The following PUM2 variants were observed in gnomAD, a reference collection of about 807,000 sequenced individuals.
PUM2 encodes the protein pumilio RNA binding family member 2, also known as pumilio homolog 2.
Under a neutral mutation model 124.5 loss-of-function variants are expected in PUM2, and 57 were observed. That is an observed-to-expected ratio of 0.46 (90% CI 0.37 to 0.57). PUM2 has a LOEUF of 0.57. PUM2 is among the 20% of genes least tolerant of loss of function. The pLI, the probability that PUM2 is intolerant of heterozygous loss-of-function variation, is 0.00. For missense variants in PUM2, 1,065 were observed against 1,290.6 expected, an observed-to-expected ratio of 0.83 and a Z score of 2.68; for synonymous variants, 460 against 446.1, an observed-to-expected ratio of 1.03 and a Z score of -0.39.
Position 20,254,897 on chromosome 2 carries a change from T to G in PUM2, c.2836A>C (p.Lys946Gln). ...TTGTGTTGACTCAGGGCTAAAACCTTTCCCCTGATTTCGGAAACAATTTTG... is the reference window on the plus strand; with the variant it reads ...TTGTGTTGACTCAGGGCTAAAACCTGTCCCCTGATTTCGGAAACAATTTTG... ...KSKIVSEIRGKVLALSQHKFA... is the reference protein window; with the variant it reads ...KSKIVSEIRGQVLALSQHKFA... Residue 946 changes from lysine to glutamine, a missense_variant, in exon 19 of 21, where the codon AAG becomes CAG. Physicochemically the swap from Lys to Gln is moderately conservative, Grantham distance 53. Around this residue, in one of 3 missense-constraint regions of PUM2, gnomAD observed 968 missense variants for 1,159.8 expected, o/e 0.83. Coordinates refer to ENST00000361078, the MANE Select transcript of PUM2 (RefSeq NM_015317.5). 6 of 1,614,100 alleles carry G rather than the reference T, an allele frequency of 3.7e-6. No homozygotes were observed. The highest frequency in any genetic ancestry group is 5.1e-6 in the Non-Finnish European group (6 of 1,179,972).
intron 1 of PUM2, chr2:20,331,795 T>C (rs1018862210): frequency 1.3e-5 from 2 of 152,186 alleles, no homozygotes; most frequent in African/African-American, 2.4e-5. Flanking sequence ...CTGGATAATT[T>C]TGAGAGGTCT....
chr2:20,334,986 C>T (rs776679215), intron 1 of PUM2, among the ~76,000 whole-genome samples: 1 of 152,114 alleles, frequency 6.6e-6, no homozygotes, highest in Non-Finnish European at 1.5e-5. Context: ...CTCACTCTAT[C>T]ACCGAAGCTA....
intron 12 of PUM2, among the ~76,000 whole-genome samples, chr2:20,281,679 T>C (rs1671561817): frequency 6.6e-6 from 1 of 152,112 alleles, no homozygotes; most frequent in South Asian, 2.1e-4. Flanking sequence ...CCAAAAGCAA[T>C]GAAAAAACTC....
At chr2:20,256,777 G>A (rs1043138892) in intron 16 of PUM2, among the ~76,000 whole-genome samples, 1 of 152,004 alleles carries the variant, frequency 6.6e-6, no homozygotes, top group African/African-American at 2.4e-5. Context: ...CAGATGCGAT[G>A]GCTCACACCT....
chr2:20,260,881 A>C (rs185081150), intron 14 of PUM2, among the ~76,000 whole-genome samples: 1 of 152,144 alleles, frequency 6.6e-6, no homozygotes. Flanking sequence ...ATTCTGGGTG[A>C]CACAAGGCTC....
At chr2:20,336,750 G>C (rs1270833771) in intron 1 of PUM2, among the ~76,000 whole-genome samples, 4 of 4,960 alleles carry the variant, frequency 8.1e-4, no homozygotes, top group Non-Finnish European at 1.4e-3. Flanking sequence ...AGGCTGATCT[G>C]TGTGTGTGTG....
chr2:20,293,780 C>T (rs1674809099), intron 9 of PUM2, among the ~76,000 whole-genome samples: 1 of 151,976 alleles, frequency 6.6e-6, no homozygotes, highest in South Asian at 2.1e-4. Context: ...GCCAAGTAAG[C>T]AATACCATGG....
chr2:20,347,106 G>A (rs1419014507), intron 1 of PUM2, among the ~76,000 whole-genome samples: 1 of 150,290 alleles, frequency 6.7e-6, no homozygotes, highest in Non-Finnish European at 1.5e-5. Flanking sequence ...AGAACAGTGA[G>A]AGAGTAAGAT....
At position 20,276,571 on chromosome 2, in the gene PUM2, C is replaced by T. The variant is rs547830638; in HGVS notation, c.1957+2012G>A. 2.6e-5 allele frequency among the ~76,000 whole-genome samples: 4 copies of T among 152,148 alleles called. No homozygotes were observed. The East Asian group carries it at 7.7e-4, about 29-fold the overall frequency. ...ATTCCATTTCCATAAGTCTTTTATA[C>T]TATCAGCCTTGAGACTTGATTCATA... On this transcript the variant is annotated intron_variant, in intron 13 of 20. Transcript: ENST00000361078.
At chr2:20,341,162 C>T (rs570871704) in intron 1 of PUM2, among the ~76,000 whole-genome samples, 1 of 152,258 alleles carries the variant, frequency 6.6e-6, no homozygotes, top group Admixed American at 6.5e-5. Context: ...CTTACCTGCG[C>T]TCTGCACAGC....
intron 10 of PUM2, among the ~76,000 whole-genome samples, chr2:20,290,368 T>C (rs1172354782): frequency 6.6e-6 from 1 of 152,124 alleles, no homozygotes; most frequent in Non-Finnish European, 1.5e-5. Flanking sequence ...AAGCAATATA[T>C]TAAAAATTCT....
rs1667992544 is a variant in PUM2 at position 20,267,569 on chromosome 2, T to C, written c.1958-4109A>G. 2.0e-5 allele frequency among the ~76,000 whole-genome samples: 3 copies of C among 152,238 alleles called. No individual in the cohort carries two copies. The South Asian group carries it at 6.2e-4, about 31-fold the overall frequency. On this transcript the variant is annotated intron_variant, in intron 13 of 20. Coordinates refer to ENST00000361078, the MANE Select transcript of PUM2 (RefSeq NM_015317.5). ...TGGTAGTCTAAAAGCAGCTATGTTC[T>C]GCACCAAAAGTATTAAAAGAGATAA... is the stretch of plus-strand genomic sequence containing the variant.
intron 2 of PUM2, among the ~76,000 whole-genome samples, chr2:20,318,913 A>G (rs1681646974): frequency 1.3e-5 from 2 of 152,236 alleles, no homozygotes; most frequent in South Asian, 4.1e-4. Context: ...ATTACAATGT[A>G]AATTTATTCA....
intron 13 of PUM2, among the ~76,000 whole-genome samples, chr2:20,268,287 C>G (rs1041027209): frequency 6.6e-6 from 1 of 152,178 alleles, no homozygotes; most frequent in African/African-American, 2.4e-5. Context: ...CATTTTACAA[C>G]AGATTTTCAA....
intron 14 of PUM2, among the ~76,000 whole-genome samples, chr2:20,261,208 T>C (rs930245020): frequency 7.2e-5 from 11 of 151,812 alleles, no homozygotes; most frequent in African/African-American, 2.2e-4. Flanking sequence ...CTGGCCAACA[T>C]GGTGAAACCC....
At chr2:20,352,117 C>G (rs1039555773), upstream of PUM2, 1 of 152,204 alleles carries the variant, frequency 6.6e-6, no homozygotes, top group African/African-American at 2.4e-5. Context: ...CCTCTGAGAA[C>G]CATCCTTGTC....
chr2:20,308,316 G>C lies in PUM2; in HGVS notation c.787C>G (p.Gln263Glu), dbSNP rs1191247760. The C allele has an allele frequency of 6.2e-7, 1 of 1,612,782 alleles. No individual in the cohort carries two copies. Among genetic ancestry groups the C allele is most frequent in the Non-Finnish European group, 8.5e-7 (1 of 1,179,234 alleles). ...TTAAAGAAAGAACATGCTTTTACCTGCTGCTGGGAATTGTAGTCAAAAAGG... is the reference window on the plus strand; with the variant it reads ...TTAAAGAAAGAACATGCTTTTACCTCCTGCTGGGAATTGTAGTCAAAAAGG... ...VGLFDYNSQQQLFQRTNALTV... is the reference protein window; with the variant it reads ...VGLFDYNSQQELFQRTNALTV... The change falls in exon 6 of 21, where the codon CAG (glutamine) becomes GAG (glutamate). Residue 263 changes from glutamine to glutamate, a missense_variant and splice_region_variant. This residue lies in a region of PUM2 where 968 missense variants were observed against 1,159.8 expected (regional missense o/e 0.83). Coordinates refer to ENST00000361078, the MANE Select transcript of PUM2 (RefSeq NM_015317.5).
intron 17 of PUM2, 74 bp from the exon 18 acceptor site, chr2:20,255,415 G>GTTTTT: frequency 8.7e-7 from 1 of 1,151,534 alleles, no homozygotes; most frequent in Non-Finnish European, 1.2e-6. Flanking sequence ...AGACTGGTTT[G>GTTTTT]TTTTTTTTTT....
intron 1 of PUM2, among the ~76,000 whole-genome samples, chr2:20,331,502 A>T (rs1426371704): frequency 6.6e-6 from 1 of 152,146 alleles, no homozygotes; most frequent in Non-Finnish European, 1.5e-5. Flanking sequence ...CAAGAGAAAA[A>T]TTATGCAGAG....
Sources: gnomAD v4.1 joint callset for allele counts (sites outside exome capture counted in the v4.1 genomes callset) on GRCh38, gnomAD v4.1.1 for gene constraint, gnomAD v4.1.1 regional missense constraint, MANE v1.5 for transcripts, NCBI Gene and HGNC (gene_info 2026-07-23, HGNC 2026-07-21) for gene names.